STK10: variants seen among roughly 807,000 people sequenced by gnomAD.
STK10 encodes serine/threonine kinase 10.
In STK10, 78 loss-of-function variants were observed where a neutral mutation model predicts 113.8. That is an observed-to-expected ratio of 0.69 (90% CI 0.57 to 0.83). The LOEUF (loss-of-function observed/expected upper bound fraction) is 0.83, where lower values mean the gene tolerates loss of function less well. STK10 is among the 40% of genes least tolerant of loss of function. STK10 has a pLI of 0.00. For synonymous variants in STK10, 465 were observed against 494.7 expected, an observed-to-expected ratio of 0.94 and a Z score of 0.80; for missense variants, 1,109 against 1,280.1, an observed-to-expected ratio of 0.87 and a Z score of 2.04.
intron 1 of STK10, among the ~76,000 whole-genome samples, chr5:172,178,924 T>C (rs1260506339): frequency 6.6e-6 from 1 of 152,160 alleles, no homozygotes; most frequent in African/African-American, 2.4e-5. Flanking sequence ...TGGCATCCAG[T>C]GGGCTGAAGC....
At chr5:172,069,901 C>A (rs1298944559) in intron 12 of STK10, among the ~76,000 whole-genome samples, 3 of 152,154 alleles carry the variant, frequency 2.0e-5, no homozygotes, top group Non-Finnish European at 4.4e-5. Context: ...CAACACAGAC[C>A]ACATCCCGGA....
chr5:172,107,678 T>TGCCCACAGGCTGACTGGGC, intron 5 of STK10, 102 bp downstream of exon 5: 1 of 1,075,814 alleles, frequency 9.3e-7, no homozygotes, highest in Non-Finnish European at 1.4e-6. Context: ...GCAGGGCGTG[T>TGCCCACAGGCTGACTGGGC]AGCCCTTGTC....
chr5:172,053,266 G>A lies in STK10; in HGVS notation c.2653-224C>T, dbSNP rs1021006040. ...GTTAATAGTTCTTATTAACTCTGTGGTGGGGAGGTATAGTAAATTTGCAAC... is the reference window on the plus strand; with the variant it reads ...GTTAATAGTTCTTATTAACTCTGTGATGGGGAGGTATAGTAAATTTGCAAC... On this transcript the variant is annotated intron_variant, in intron 17 of 18. Transcript: ENST00000176763. 15 of 494,318 alleles carry A rather than the reference G, an allele frequency of 3.0e-5. No individual in the cohort carries two copies. The Admixed American group carries it at 5.2e-4, about 17-fold the overall frequency. The allele number at this position is 494,318 out of a possible 1,614,324, so 30.6% of individuals were successfully genotyped here.
chr5:172,093,943 A>C lies in STK10; in HGVS notation c.1023T>G (p.Thr341=). The change falls in exon 9 of 19, where the codon ACT becomes ACG. Residue 341 remains threonine, a synonymous_variant. Coordinates refer to ENST00000176763, the MANE Select transcript of STK10 (RefSeq NM_005990.4). This position sits in a 1 kb window ranked among gnomAD's most constrained non-coding sequence, Gnocchi z 4.1. ...GCGGACTCACCTCAGAGGAGTTCTGAGTATGGTTCTCCAGGGTCTAGAAAA... is the reference window on the plus strand; with the variant it reads ...GCGGACTCACCTCAGAGGAGTTCTGCGTATGGTTCTCCAGGGTCTAGAAAA... ...VDAASTLENH[T]QNSSEVSPPS... The C allele has an allele frequency of 6.7e-7, 1 of 1,500,080 alleles. No homozygotes were observed. Among genetic ancestry groups the C allele is most frequent in the East Asian group, 2.3e-5 (1 of 43,638 alleles). The allele number at this position is 1,500,080 out of a possible 1,614,324, so 92.9% of individuals were successfully genotyped here.
In STK10 at chr5:172,082,904, T is replaced by G. The variant is rs1768465944; in HGVS notation, c.1809+57A>C. ...ATCATTCCCACTATGTAGCTTCCACTGAGAGAACACCTGGAGGCAAGAAGC... is the reference window on the plus strand; with the variant it reads ...ATCATTCCCACTATGTAGCTTCCACGGAGAGAACACCTGGAGGCAAGAAGC... On this transcript the variant is annotated intron_variant, in intron 11 of 18. Coordinates refer to ENST00000176763, the MANE Select transcript of STK10 (RefSeq NM_005990.4). The surrounding 1 kb of genome is among the most constrained non-coding windows in gnomAD (Gnocchi z 4.3). 1 of 1,598,426 alleles carries G rather than the reference T, an allele frequency of 6.3e-7. No individual in the cohort carries two copies. Among genetic ancestry groups the G allele is most frequent in the South Asian group, 1.1e-5 (1 of 90,170 alleles).
chr5:172,104,056 C>T (rs905256726), intron 7 of STK10, among the ~76,000 whole-genome samples: 9 of 152,212 alleles, frequency 5.9e-5, no homozygotes, highest in Non-Finnish European at 1.0e-4. Context: ...CTCAGAATGC[C>T]GACCACAGGC....
intron 14 of STK10, among the ~76,000 whole-genome samples, chr5:172,058,576 A>G (rs1209491435): frequency 1.3e-5 from 2 of 152,066 alleles, no homozygotes; most frequent in Non-Finnish European, 2.9e-5. Flanking sequence ...ATTTGTACCC[A>G]TCCTCTTGTT....
Position 172,097,180 on chromosome 5 carries a change from A to C in STK10, c.871-620T>G, listed in dbSNP as rs560758777. Among the ~76,000 whole-genome samples, 4 of 152,314 alleles carry C rather than the reference A, an allele frequency of 2.6e-5. No homozygotes were observed. In the East Asian group the frequency reaches 7.7e-4, roughly 29 times the overall value. On this transcript the variant is annotated intron_variant, in intron 7 of 18. Coordinates refer to ENST00000176763, the MANE Select transcript of STK10 (RefSeq NM_005990.4). Reference sequence around the variant, plus strand: ...CAGCCTCCCAAGTAGCTGGGATTACAGGCATGTGCCACCACGCCAGGCTAA... The same window carrying C: ...CAGCCTCCCAAGTAGCTGGGATTACCGGCATGTGCCACCACGCCAGGCTAA...
chr5:172,085,681 T>A, intron 10 of STK10, among the ~76,000 whole-genome samples: 1 of 139,836 alleles, frequency 7.2e-6, no homozygotes, highest in Middle Eastern at 3.6e-3. Flanking sequence ...AGAGTGAGAC[T>A]CCATTTCAAA....
At chr5:172,053,471 A>G (rs1023429529) in intron 17 of STK10, among the ~76,000 whole-genome samples, 2 of 152,064 alleles carry the variant, frequency 1.3e-5, no homozygotes, top group African/African-American at 4.8e-5. Flanking sequence ...GATACTCTGT[A>G]TGTCTCACAT....
Position 172,168,924 on chromosome 5 carries a change from G to C in STK10, c.157-12136C>G, listed in dbSNP as rs557264337. Among the ~76,000 whole-genome samples, 30 of 152,182 alleles carry C rather than the reference G, an allele frequency of 2.0e-4. 1 individual carries two copies. Among genetic ancestry groups the C allele is most frequent in the African/African-American group, 6.7e-4 (28 of 41,534 alleles). On this transcript the variant is annotated intron_variant, in intron 1 of 18. Transcript: ENST00000176763. ...GAACCCTCAAGGGCTCCTAGCTGCT[G>C]ACAAGCTAACGCAGGAGCTCCCTGG...
At chr5:172,060,182 C>A (rs1767903237) in intron 14 of STK10, among the ~76,000 whole-genome samples, 1 of 152,142 alleles carries the variant, frequency 6.6e-6, no homozygotes, top group Non-Finnish European at 1.5e-5. Flanking sequence ...CTGAGACAGG[C>A]AGACCACTTG....
Position 172,055,668 on chromosome 5 carries a change from T to C in STK10, c.2446A>G (p.Thr816Ala), listed in dbSNP as rs766173307. Reference protein sequence around the residue: ...LPKIQRSEGKTRMAMYKKSLH... With the variant: ...LPKIQRSEGKARMAMYKKSLH... ...CTCTTCTTGTACATGGCCATGCGCG[T>C]CTTGCCCTCACTCCTCTGGATCTTG... Residue 816 changes from threonine (T) to alanine (A), a missense_variant, in exon 16 of 19, where the codon ACG becomes GCG. Around this residue, in one of 5 missense-constraint regions of STK10, gnomAD observed 885 missense variants for 991.1 expected, o/e 0.89. Coordinates refer to ENST00000176763, the MANE Select transcript of STK10 (RefSeq NM_005990.4). 1 of 1,586,244 alleles carries C rather than the reference T, an allele frequency of 6.3e-7. No individual in the cohort carries two copies. The highest frequency in any genetic ancestry group is 1.1e-5 in the South Asian group (1 of 87,334).
intron 3 of STK10, 129 bp downstream of exon 3, chr5:172,127,244 G>A (rs1026373649): frequency 6.5e-6 from 6 of 922,208 alleles, no homozygotes; most frequent in Non-Finnish European, 9.9e-6. Context: ...GGTGCTCAAA[G>A]AGGCCATGGG....
chr5:172,055,726 C>T lies in STK10; in HGVS notation c.2388G>A (p.Lys796=). The T allele has an allele frequency of 1.9e-6, 3 of 1,580,002 alleles. No individual in the cohort carries two copies. Among genetic ancestry groups the T allele is most frequent in the Non-Finnish European group, 2.6e-6 (3 of 1,160,014 alleles). Residue 796 remains lysine (K), a synonymous_variant, in exon 16 of 19, where the codon AAG becomes AAA. Coordinates refer to ENST00000176763, the MANE Select transcript of STK10 (RefSeq NM_005990.4). ...GCGCCTTTTCCTGTTGCTGCCGCACCTTCAGCTGCTCTATCATGCGCTGGT... is the reference window on the plus strand; with the variant it reads ...GCGCCTTTTCCTGTTGCTGCCGCACTTTCAGCTGCTCTATCATGCGCTGGT... ...RYNQRMIEQL[K]VRQQQEKARL... is the part of the protein sequence containing the mutation.
At chr5:172,089,837 A>T (rs1768656649) in intron 10 of STK10, among the ~76,000 whole-genome samples, 1 of 151,888 alleles carries the variant, frequency 6.6e-6, no homozygotes, top group Non-Finnish European at 1.5e-5. Context: ...TGATGCGTGG[A>T]TAAATGAATG....
chr5:172,088,238 G>A (rs4467720), intron 10 of STK10, among the ~76,000 whole-genome samples: 51,988 of 151,912 alleles, frequency 0.34, 11,832 homozygotes, highest in African/African-American at 0.65. Context: ...AAAAATATGA[G>A]TATTAGGCCG....
intron 4 of STK10, among the ~76,000 whole-genome samples, chr5:172,116,798 G>C (rs144515083): frequency 1.3e-5 from 2 of 152,280 alleles, no homozygotes; most frequent in East Asian, 3.9e-4. Flanking sequence ...AACTGAGGAG[G>C]TGGAGGTTGC....
At chr5:172,161,223 G>A (rs1770463041) in intron 1 of STK10, among the ~76,000 whole-genome samples, 1 of 152,148 alleles carries the variant, frequency 6.6e-6, no homozygotes, top group African/African-American at 2.4e-5. Context: ...AAGCTGAGAT[G>A]GGTGGATTGC....
Sources: allele counts gnomAD v4.1 joint callset (sites outside exome capture counted in the v4.1 genomes callset), GRCh38; gene constraint gnomAD v4.1.1; regional missense constraint gnomAD v4.1.1; non-coding constraint Gnocchi (gnomAD v3.1); transcripts MANE v1.5; gene names NCBI Gene and HGNC (gene_info 2026-07-23, HGNC 2026-07-21).